DMXL2: variants seen among roughly 807,000 people sequenced by gnomAD.
DMXL2 encodes the protein Dmx like 2.
Under a neutral mutation model 331.1 loss-of-function variants are expected in DMXL2, and 103 were observed. That is an observed-to-expected ratio of 0.31 (90% CI 0.27 to 0.37). The LOEUF is 0.37. DMXL2 is among the 10% of genes least tolerant of loss of function. DMXL2 has a pLI of 1.00. For synonymous variants in DMXL2, 1,281 were observed against 1,252.1 expected (o/e 1.02, Z -0.49); for missense variants, 3,171 against 3,642.9 (o/e 0.87, Z 3.33).
At chr15:51,547,496 T>C in intron 6 of DMXL2, 88 bp from the exon 7 acceptor site, 2 of 938,510 alleles carry the variant, frequency 2.1e-6, no homozygotes, top group Non-Finnish European at 3.0e-6. Context: ...AAAATTAAGT[T>C]ACATCTAAAA....
At chr15:51,512,253 T>C (rs2046800232) in intron 15 of DMXL2, among the ~76,000 whole-genome samples, 1 of 152,148 alleles carries the variant, frequency 6.6e-6, no homozygotes, top group South Asian at 2.1e-4. Context: ...AGGGTGTATA[T>C]AAGGTATCAC....
At chr15:51,615,827 T>G (rs931743719) in intron 1 of DMXL2, among the ~76,000 whole-genome samples, 4 of 152,200 alleles carry the variant, frequency 2.6e-5, no homozygotes, top group Non-Finnish European at 1.5e-5. Context: ...AGAAAATGTA[T>G]GGAATTTTGT....
rs147908163 is a variant in DMXL2 at position 51,621,420 on chromosome 15, T to C, written c.87+1039A>G. 1.4e-4 allele frequency among the ~76,000 whole-genome samples: 22 copies of C among 152,334 alleles called. 1 individual carries two copies. The South Asian group carries it at 2.1e-3, about 14-fold the overall frequency. ...TTTTCCTTGTCTAAAAAGCATACCA[T>C]TACGGAATTTCCAGTTTTATCAAGA... is the stretch of plus-strand genomic sequence containing the variant. On this transcript the variant is annotated intron_variant, in intron 1 of 43. Coordinates refer to ENST00000560891, the MANE Select transcript of DMXL2 (RefSeq NM_001378457.1).
In DMXL2 at chr15:51,448,513, CA is replaced by C. The variant is rs1241335541; in HGVS notation, c.*470del. 3 of 193,982 alleles carry C rather than the reference CA, an allele frequency of 1.5e-5. No homozygotes were observed. The highest frequency in any genetic ancestry group is 7.0e-5 in the African/African-American group (3 of 42,580). The allele number at this position is 193,982 out of a possible 1,614,324, so 12.0% of individuals were successfully genotyped here. ...GAACTGGTCACTGCGCACTGCTCCA[CA>C]GCTAAGAAAGTTTTCCAGGTGGTCT... is the stretch of plus-strand genomic sequence containing the variant. On this transcript the variant is annotated 3_prime_UTR_variant, in exon 44 of 44. Transcript: ENST00000560891.
chr15:51,492,947 C>T (rs1407908675), intron 19 of DMXL2, among the ~76,000 whole-genome samples: 1 of 152,018 alleles, frequency 6.6e-6, no homozygotes, highest in African/African-American at 2.4e-5. Flanking sequence ...ACTGTAATTT[C>T]TTTAGAAAGT....
Position 51,458,719 on chromosome 15 carries a change from G to A in DMXL2, c.8066C>T (p.Ser2689Phe). 1 of 1,613,984 alleles carries A rather than the reference G, an allele frequency of 6.2e-7. No individual in the cohort carries two copies. Among genetic ancestry groups the A allele is most frequent in the Non-Finnish European group, 8.5e-7 (1 of 1,179,910 alleles). Residue 2689 changes from serine to phenylalanine, a missense_variant, in exon 35 of 44, where the codon TCT (serine) becomes TTT (phenylalanine). This residue lies in a region of DMXL2 where 766 missense variants were observed against 940.5 expected (regional missense o/e 0.81). Coordinates refer to ENST00000560891, the MANE Select transcript of DMXL2 (RefSeq NM_001378457.1). The stretch of plus-strand genomic sequence containing the variant: ...GATGAGAGCTTTTACCTTATTAACA[G>A]AAAATGCCATGATCATATCAGATTC... ...HKESDMIMAF[S>F]VNKANCNEIV...
intron 1 of DMXL2, among the ~76,000 whole-genome samples, chr15:51,620,972 C>A (rs1843625101): frequency 6.6e-6 from 1 of 152,214 alleles, no homozygotes; most frequent in Non-Finnish European, 1.5e-5. Flanking sequence ...CACCACCATT[C>A]TAGCAGGAAA....
chr15:51,508,460 C>A (rs2140566200), intron 15 of DMXL2, among the ~76,000 whole-genome samples: 1 of 152,218 alleles, frequency 6.6e-6, no homozygotes, highest in African/African-American at 2.4e-5. Context: ...GTCAAAAGGA[C>A]ACAGGACCTA....
chr15:51,604,400 A>C (rs1188058017), intron 1 of DMXL2, among the ~76,000 whole-genome samples: 1 of 147,690 alleles, frequency 6.8e-6, no homozygotes, highest in Non-Finnish European at 1.5e-5. Context: ...CAAGAGATTT[A>C]CAAAAAAAAA....
chr15:51,561,537 C>T (rs1334670257), intron 6 of DMXL2, among the ~76,000 whole-genome samples: 2 of 149,400 alleles, frequency 1.3e-5, no homozygotes, highest in African/African-American at 2.5e-5. Flanking sequence ...GCATACAAGA[C>T]GCCAGTAGTC....
At chr15:51,494,329 T>A (rs2043012659) in intron 19 of DMXL2, among the ~76,000 whole-genome samples, 1 of 152,174 alleles carries the variant, frequency 6.6e-6, no homozygotes, top group African/African-American at 2.4e-5. Context: ...GTGTTCTAGG[T>A]TCTATAATAC....
intron 26 of DMXL2, among the ~76,000 whole-genome samples, chr15:51,477,927 G>A (rs1342953948): frequency 6.6e-6 from 1 of 151,926 alleles, no homozygotes; most frequent in Non-Finnish European, 1.5e-5. Flanking sequence ...TAGTTAAATA[G>A]CTGCTAATCC....
chr15:51,470,573 G>A (rs2041006374), intron 29 of DMXL2, among the ~76,000 whole-genome samples: 1 of 152,134 alleles, frequency 6.6e-6, no homozygotes, highest in African/African-American at 2.4e-5. Flanking sequence ...ATGGGAAGAG[G>A]CATGACTCTG....
intron 1 of DMXL2, among the ~76,000 whole-genome samples, chr15:51,604,400 A>T (rs1188058017): frequency 1.4e-5 from 2 of 147,690 alleles, no homozygotes; most frequent in Admixed American, 6.8e-5. Flanking sequence ...CAAGAGATTT[A>T]CAAAAAAAAA....
intron 39 of DMXL2, 78 bp downstream of exon 39, chr15:51,455,988 C>A: frequency 6.6e-7 from 1 of 1,520,750 alleles, no homozygotes; most frequent in South Asian, 1.2e-5. Flanking sequence ...ATTCATTTTT[C>A]GATGCACTTT....
intron 1 of DMXL2, among the ~76,000 whole-genome samples, chr15:51,595,034 C>T (rs1268188794): frequency 6.6e-6 from 1 of 152,146 alleles, no homozygotes; most frequent in Non-Finnish European, 1.5e-5. Flanking sequence ...CCTCTCTCAC[C>T]ACTCCTATTC....
chr15:51,495,317 T>G (rs2043097377), intron 18 of DMXL2, among the ~76,000 whole-genome samples, 183 bp from the exon 19 acceptor site: 1 of 152,136 alleles, frequency 6.6e-6, no homozygotes, highest in African/African-American at 2.4e-5. Context: ...AAAATGTGAC[T>G]ACTAAACTCT....
chr15:51,611,955 G>A (rs771377052), intron 1 of DMXL2, among the ~76,000 whole-genome samples: 4 of 152,166 alleles, frequency 2.6e-5, no homozygotes, highest in Admixed American at 6.5e-5. Context: ...GCGGCAACCC[G>A]CTCGGGTCCC....
At chr15:51,490,710 G>A (rs1167809255) in intron 20 of DMXL2, among the ~76,000 whole-genome samples, 1 of 152,218 alleles carries the variant, frequency 6.6e-6, no homozygotes, top group African/African-American at 2.4e-5. Context: ...AAACCTGGTA[G>A]AGAGCTGAAC....
Sources: allele counts gnomAD v4.1 joint callset (sites outside exome capture counted in the v4.1 genomes callset), GRCh38; gene constraint gnomAD v4.1.1; regional missense constraint gnomAD v4.1.1; transcripts MANE v1.5; gene names NCBI Gene and HGNC (gene_info 2026-07-23, HGNC 2026-07-21).